MYO9A: variants seen among roughly 807,000 people sequenced by gnomAD.
The protein encoded by MYO9A is unconventional myosin-IXa.
Under a neutral mutation model 293.3 loss-of-function variants are expected in MYO9A, and 103 were observed. The observed-to-expected ratio is 0.35, with a 90% CI of 0.30 to 0.41. The LOEUF (loss-of-function observed/expected upper bound fraction) is 0.41, where lower values mean the gene tolerates loss of function less well. MYO9A is among the 10% of genes least tolerant of loss of function. The probability of loss-of-function intolerance (pLI) is 1.00; values close to 1 mark genes in which losing one functional copy is unlikely to be tolerated. For synonymous variants in MYO9A, 1,001 were observed against 1,035.7 expected (o/e 0.97, Z 0.64); for missense variants, 2,685 against 3,033.0 (o/e 0.89, Z 2.69).
At chr15:71,966,415 T>C (rs1468160439) in intron 13 of MYO9A, among the ~76,000 whole-genome samples, 1 of 152,058 alleles carries the variant, frequency 6.6e-6, no homozygotes, top group Non-Finnish European at 1.5e-5. Context: ...ATAAAAGAAA[T>C]CTAAACACTT....
rs2054452237 is a variant in MYO9A, at chr15:71,825,656, CA to C, written c.*923del. The C allele has an allele frequency of 1.3e-5, 2 of 152,178 alleles. No individual in the cohort carries two copies. The highest frequency in any genetic ancestry group is 2.4e-5 in the African/African-American group (1 of 41,442). The allele number at this position is 152,178 out of a possible 1,614,324, so 9.4% of individuals were successfully genotyped here. A position where few individuals can be genotyped will look rare whatever the true frequency, so the allele number is the denominator to read the frequency against. ...TGGTGGGAATCCACCAGCAGATGAACAGGCTCATATGCGGTTTTCGGTTTAA... is the reference window on the plus strand; with the variant it reads ...TGGTGGGAATCCACCAGCAGATGAACGGCTCATATGCGGTTTTCGGTTTAA... On this transcript the variant is annotated 3_prime_UTR_variant, in exon 42 of 42. Coordinates refer to ENST00000356056, the MANE Select transcript of MYO9A (RefSeq NM_006901.4).
intron 14 of MYO9A, among the ~76,000 whole-genome samples, chr15:71,956,640 C>T (rs1285759140): frequency 6.7e-6 from 1 of 149,886 alleles, no homozygotes; most frequent in African/African-American, 2.4e-5. Flanking sequence ...AGCGAGACTC[C>T]GTCTCAAAAA....
At chr15:71,899,544 T>A in intron 24 of MYO9A, 143 bp downstream of exon 24, 1 of 691,904 alleles carries the variant, frequency 1.4e-6, no homozygotes, top group Non-Finnish European at 2.4e-6. Flanking sequence ...ACAATGTGGG[T>A]TAAAATCGGT....
intron 40 of MYO9A, among the ~76,000 whole-genome samples, chr15:71,828,350 T>TAATA (rs756580470): frequency 6.6e-6 from 1 of 152,192 alleles, no homozygotes; most frequent in South Asian, 2.1e-4. Context: ...ACCTTGTTCA[T>TAATA]AATATCCATA....
chr15:71,952,009 T>C, intron 14 of MYO9A, 113 bp from the exon 15 acceptor site: 1 of 1,130,754 alleles, frequency 8.8e-7, no homozygotes, highest in Non-Finnish European at 1.2e-6. Flanking sequence ...TAAGGGTGTA[T>C]AAAAATGTAT....
intron 39 of MYO9A, among the ~76,000 whole-genome samples, chr15:71,831,828 C>G (rs575236428): frequency 1.1e-4 from 16 of 152,214 alleles, no homozygotes; most frequent in African/African-American, 3.9e-4. Context: ...AACAGAAACC[C>G]TAAAAGACTC....
At chr15:72,117,590 G>A (rs1338229487) in intron 1 of MYO9A, 90 bp downstream of exon 1, 7 of 386,810 alleles carry the variant, frequency 1.8e-5, no homozygotes, top group Non-Finnish European at 3.2e-5. Flanking sequence ...GCTGGGACGG[G>A]GCGGGGCGGC....
chr15:72,038,067 C>A (rs1157481965), intron 2 of MYO9A, among the ~76,000 whole-genome samples: 2 of 152,102 alleles, frequency 1.3e-5, no homozygotes, highest in African/African-American at 4.8e-5. Context: ...CAGGTGCATA[C>A]CAACACATCC....
At chr15:71,922,125 G>A (rs1279833776) in intron 18 of MYO9A, among the ~76,000 whole-genome samples, 1 of 152,056 alleles carries the variant, frequency 6.6e-6, no homozygotes, top group Non-Finnish European at 1.5e-5. Context: ...CTACAGGCAC[G>A]TGCCACCACG....
intron 10 of MYO9A, among the ~76,000 whole-genome samples, chr15:71,992,703 T>C (rs1332784081): frequency 2.0e-4 from 31 of 152,152 alleles, no homozygotes; most frequent in Non-Finnish European, 4.4e-5. Flanking sequence ...GACTAGTCCA[T>C]GAAGGCTGCC....
chr15:71,881,217 C>T (rs1009750069), intron 28 of MYO9A, among the ~76,000 whole-genome samples: 18 of 151,908 alleles, frequency 1.2e-4, no homozygotes, highest in African/African-American at 4.1e-4. Flanking sequence ...ATGTTTACAA[C>T]GGAGAAATTA....
chr15:72,012,085 T>C (rs2077190850), intron 6 of MYO9A, among the ~76,000 whole-genome samples: 1 of 152,218 alleles, frequency 6.6e-6, no homozygotes, highest in African/African-American at 2.4e-5. Flanking sequence ...CATTAGTTAA[T>C]GAATATCTAA....
intron 1 of MYO9A, among the ~76,000 whole-genome samples, chr15:72,048,529 T>C (rs1370212744): frequency 6.6e-6 from 1 of 152,162 alleles, no homozygotes; most frequent in Admixed American, 6.6e-5. Context: ...ATACTGAAAA[T>C]AGATTCCATC....
intron 2 of MYO9A, 109 bp from the exon 3 acceptor site, chr15:72,032,697 G>A (rs2077911876): frequency 6.7e-6 from 4 of 600,400 alleles, no homozygotes. Flanking sequence ...ATGTTAAAGA[G>A]ACAGTAAAAA....
chr15:72,077,748 AAAAAAT>A (rs1275307180), intron 1 of MYO9A, among the ~76,000 whole-genome samples: 434 of 32,702 alleles, frequency 0.013, no homozygotes, highest in Non-Finnish European at 0.018. Context: ...AAAAAAAAAA[AAAAAAT>A]ATATATATAT....
intron 1 of MYO9A, among the ~76,000 whole-genome samples, chr15:72,051,487 G>A (rs2078562499): frequency 6.6e-6 from 1 of 152,064 alleles, no homozygotes; most frequent in Non-Finnish European, 1.5e-5. Flanking sequence ...CACAGCTGCA[G>A]CCGCCCAAGC....
At chr15:71,852,321 C>A in intron 35 of MYO9A, 61 bp from the exon 36 acceptor site, 25 of 1,284,954 alleles carry the variant, frequency 1.9e-5, no homozygotes, top group Middle Eastern at 2.1e-4. Flanking sequence ...TCAAATAATT[C>A]ACTTTAGAAA....
At chr15:72,092,473 A>T (rs1195689702) in intron 1 of MYO9A, among the ~76,000 whole-genome samples, 1 of 152,190 alleles carries the variant, frequency 6.6e-6, no homozygotes, top group African/African-American at 2.4e-5. Flanking sequence ...GCTACTCCGG[A>T]GGCTGAGGCA....
intron 39 of MYO9A, among the ~76,000 whole-genome samples, chr15:71,830,602 C>T (rs1207386252): frequency 6.6e-6 from 1 of 152,156 alleles, no homozygotes; most frequent in Non-Finnish European, 1.5e-5. Flanking sequence ...CCATTCCAAA[C>T]AAAATAGCCA....
Sources: allele counts gnomAD v4.1 joint callset (sites outside exome capture counted in the v4.1 genomes callset), GRCh38; gene constraint gnomAD v4.1.1; transcripts MANE v1.5; gene names NCBI Gene and HGNC (gene_info 2026-07-23, HGNC 2026-07-21).